Variants in ELAPOR1 observed in about 807,000 individuals in gnomAD.
The protein encoded by ELAPOR1 is endosome-lysosome associated apoptosis and autophagy regulator 1, also known as endosome/lysosome-associated apoptosis and autophagy regulator 1.
Under a neutral mutation model 119.7 loss-of-function variants are expected in ELAPOR1, and 77 were observed. The ratio of observed to expected loss-of-function variants is 0.64; its 90% confidence interval spans 0.54 to 0.78. The LOEUF is 0.78. Among genes scored for constraint, ELAPOR1 ranks in the 30% least tolerant of loss-of-function variants. The probability of loss-of-function intolerance (pLI) is 0.00; values close to 1 mark genes in which losing one functional copy is unlikely to be tolerated. For missense variants in ELAPOR1, 1,115 were observed against 1,270.4 expected, an observed-to-expected ratio of 0.88 and a Z score of 1.86; for synonymous variants, 481 against 487.2, an observed-to-expected ratio of 0.99 and a Z score of 0.17.
At position 109,184,008 on chromosome 1, in the gene ELAPOR1, G is replaced by A. The variant is rs559849942; in HGVS notation, c.953-1037G>A. Among the ~76,000 whole-genome samples the A allele has an allele frequency of 1.8e-4, 28 of 152,106 alleles. No homozygotes were observed. The South Asian group carries it at 5.2e-3, about 28-fold the overall frequency. On this transcript the variant is annotated intron_variant, in intron 7 of 21. Transcript: ENST00000369939. ...GGAGTTCCAGGCTGCAGTGAGTTAAGATTGTACCACTGCAGTCCAGCCTCA... is the reference window on the plus strand; with the variant it reads ...GGAGTTCCAGGCTGCAGTGAGTTAAAATTGTACCACTGCAGTCCAGCCTCA...
chr1:109,146,536 G>A (rs1650188822), intron 1 of ELAPOR1, among the ~76,000 whole-genome samples: 1 of 152,154 alleles, frequency 6.6e-6, no homozygotes, highest in South Asian at 2.1e-4. Context: ...GGAGGGTGTA[G>A]GAATGGAATC....
At chr1:109,167,181 A>G (rs907617870) in intron 3 of ELAPOR1, among the ~76,000 whole-genome samples, 12 of 152,228 alleles carry the variant, frequency 7.9e-5, no homozygotes, top group African/African-American at 2.9e-4. Flanking sequence ...GACATGGCTC[A>G]GTCAATTCCT....
At chr1:109,117,600 C>G (rs1008969127) in intron 1 of ELAPOR1, among the ~76,000 whole-genome samples, 5 of 152,130 alleles carry the variant, frequency 3.3e-5, no homozygotes, top group Non-Finnish European at 7.3e-5. Flanking sequence ...AATTCCTGAT[C>G]TGTGAAATGG....
intron 8 of ELAPOR1, chr1:109,187,189 T>A (rs1396968536): frequency 1.0e-6 from 1 of 985,330 alleles, no homozygotes; most frequent in Non-Finnish European, 1.2e-6. Flanking sequence ...GGATGGCCCA[T>A]CCATTGGGGT....
chr1:109,179,778 C>T (rs185701776), intron 7 of ELAPOR1, among the ~76,000 whole-genome samples: 10 of 151,858 alleles, frequency 6.6e-5, no homozygotes, highest in African/African-American at 1.2e-4. Context: ...TGGTGGCACA[C>T]GCCTGTAATC....
intron 11 of ELAPOR1, among the ~76,000 whole-genome samples, 182 bp downstream of exon 11, chr1:109,189,864 G>T (rs114958842): frequency 5.6e-4 from 86 of 152,258 alleles, no homozygotes; most frequent in African/African-American, 1.9e-3. Context: ...TTTTCAAGTT[G>T]CTGCCCATGT....
At chr1:109,158,553 C>A (rs907289687) in intron 1 of ELAPOR1, among the ~76,000 whole-genome samples, 3 of 152,132 alleles carry the variant, frequency 2.0e-5, no homozygotes, top group Non-Finnish European at 4.4e-5. Context: ...GTTCCCCACC[C>A]TCTCATTTCT....
chr1:109,176,160 A>C (rs1199099880), intron 7 of ELAPOR1, among the ~76,000 whole-genome samples: 1 of 152,214 alleles, frequency 6.6e-6, no homozygotes, highest in African/African-American at 2.4e-5. Flanking sequence ...TTCCTAAAGC[A>C]TTCCAATTTG....
intron 1 of ELAPOR1, among the ~76,000 whole-genome samples, chr1:109,132,348 A>G (rs911493637): frequency 3.3e-5 from 5 of 152,036 alleles, no homozygotes; most frequent in South Asian, 4.1e-4. Flanking sequence ...GGGTTTCACC[A>G]TGTTGGCCAG....
intron 1 of ELAPOR1, among the ~76,000 whole-genome samples, chr1:109,127,946 T>C (rs1648899585): frequency 6.6e-6 from 1 of 151,510 alleles, no homozygotes; most frequent in Non-Finnish European, 1.5e-5. Context: ...TGATCTCAGC[T>C]CACTGCAACC....
chr1:109,187,058 T>TC (rs1425369962), intron 8 of ELAPOR1: 1 of 985,414 alleles, frequency 1.0e-6, no homozygotes, highest in East Asian at 1.1e-4. Flanking sequence ...CTGGTTCTGC[T>TC]CAGTCTGGTG....
At chr1:109,152,400 G>T (rs1650588476) in intron 1 of ELAPOR1, among the ~76,000 whole-genome samples, 1 of 152,080 alleles carries the variant, frequency 6.6e-6, no homozygotes, top group African/African-American at 2.4e-5. Context: ...AAGTCATGTT[G>T]ATCTTCTGCT....
intron 1 of ELAPOR1, among the ~76,000 whole-genome samples, chr1:109,124,155 C>A (rs2100966321): frequency 6.6e-6 from 1 of 152,232 alleles, no homozygotes; most frequent in South Asian, 2.1e-4. Context: ...TCTTTCATAA[C>A]CTACTTTTTT....
At chr1:109,183,573 C>CT (rs879578086) in intron 7 of ELAPOR1, among the ~76,000 whole-genome samples, 70,180 of 114,042 alleles carry the variant, frequency 0.62, 21,209 homozygotes, top group Non-Finnish European at 0.7. Flanking sequence ...TCCTTCCTTC[C>CT]TTCCTTCCTT....
At chr1:109,189,240 C>G in intron 10 of ELAPOR1, 46 bp downstream of exon 10, 1 of 1,591,778 alleles carries the variant, frequency 6.3e-7, no homozygotes, top group Non-Finnish European at 8.6e-7. Context: ...CCCTGCACAC[C>G]CTCAGTTCTT....
chr1:109,173,757 T>G lies in ELAPOR1; in HGVS notation c.872T>G (p.Phe291Cys). Residue 291 changes from phenylalanine to cysteine, a missense_variant, in exon 7 of 22, where the codon TTC becomes TGC. Transcript: ENST00000369939. ...GTYADKQGSS[F>C]CKLCPANSYS... ...TATGCAGACAAGCAGGGCTCCTCTT[T>G]CTGCAAACTTTGCCCAGCCAACTCT... 1 of 1,614,176 alleles carries G rather than the reference T, an allele frequency of 6.2e-7. No individual in the cohort carries two copies. The highest frequency in any genetic ancestry group is 8.5e-7 in the Non-Finnish European group (1 of 1,180,034).
At chr1:109,147,575 AC>A (rs1441770831) in intron 1 of ELAPOR1, among the ~76,000 whole-genome samples, 1 of 151,992 alleles carries the variant, frequency 6.6e-6, no homozygotes, top group Non-Finnish European at 1.5e-5. Flanking sequence ...AGAATGTGCA[AC>A]ACCGAGAGTG....
chr1:109,160,808 T>C (rs17641977), intron 1 of ELAPOR1, among the ~76,000 whole-genome samples: 8,583 of 152,306 alleles, frequency 0.056, 296 homozygotes, highest in African/African-American at 0.072. Flanking sequence ...CCATGGTCTG[T>C]TGTTTATTAC....
chr1:109,135,497 C>T (rs1649415021), intron 1 of ELAPOR1, among the ~76,000 whole-genome samples: 1 of 152,182 alleles, frequency 6.6e-6, no homozygotes, highest in Non-Finnish European at 1.5e-5. Flanking sequence ...CCCACCCTGG[C>T]CTCCCAAAGT....
Sources: gnomAD v4.1 joint callset for allele counts (sites outside exome capture counted in the v4.1 genomes callset) on GRCh38, gnomAD v4.1.1 for gene constraint, MANE v1.5 for transcripts, NCBI Gene and HGNC (gene_info 2026-07-23, HGNC 2026-07-21) for gene names.